The following ADNP variants were observed in gnomAD, a reference collection of about 807,000 sequenced individuals.
The protein encoded by ADNP is activity-dependent neuroprotector homeobox protein.
In ADNP, 4 loss-of-function variants were observed where a neutral mutation model predicts 84.9. The ratio of observed to expected loss-of-function variants is 0.05; its 90% CI spans 0.02 to 0.11. The LOEUF is 0.11. Ranked by LOEUF, ADNP falls within the 10% of genes least tolerant of loss-of-function variation. ADNP has a pLI of 1.00. For synonymous variants in ADNP, 554 were observed against 468.1 expected (o/e 1.18, Z -2.37); for missense variants, 1,132 against 1,326.0 (o/e 0.85, Z 2.27).
intron 2 of ADNP, among the ~76,000 whole-genome samples, chr20:50,926,765 C>A (rs577740320): frequency 2.0e-5 from 3 of 152,214 alleles, no homozygotes; most frequent in South Asian, 2.1e-4. Context: ...AGTTTTGTTA[C>A]TTATATATGA....
intron 1 of ADNP, among the ~76,000 whole-genome samples, chr20:50,929,445 CAACT>C (rs1195287716): frequency 2.6e-5 from 4 of 152,190 alleles, no homozygotes; most frequent in Non-Finnish European, 5.9e-5. Context: ...GTCAGCTCAC[CAACT>C]AAGAGTGCGA....
intron 2 of ADNP, among the ~76,000 whole-genome samples, chr20:50,911,813 C>T (rs190463279): frequency 1.3e-5 from 2 of 152,154 alleles, no homozygotes; most frequent in Admixed American, 1.3e-4. Context: ...GACAACCCAG[C>T]TACCTCTGAA....
At chr20:50,918,605 T>G (rs1218447642) in intron 2 of ADNP, among the ~76,000 whole-genome samples, 1 of 152,374 alleles carries the variant, frequency 6.6e-6, no homozygotes, top group East Asian at 1.9e-4. Flanking sequence ...TGATTCACTC[T>G]GCCTTAACTA....
chr20:50,889,693 T>C lies in ADNP; in HGVS notation c.*1712A>G, dbSNP rs1039308456. The C allele has an allele frequency of 1.8e-5, 7 of 390,358 alleles. No individual in the cohort carries two copies. Among genetic ancestry groups the C allele is most frequent in the Non-Finnish European group, 3.2e-5 (7 of 221,404 alleles). 24.2% of individuals were successfully genotyped at this position (390,358 alleles called of 1,614,324 possible). On this transcript the variant is annotated 3_prime_UTR_variant, in exon 6 of 6. Transcript: ENST00000621696. ...GGTGACTGACCAGCCTCCTCATGGA[T>C]TGGAGTTTCCCATCATTGTTTTAAT...
intron 2 of ADNP, among the ~76,000 whole-genome samples, chr20:50,918,635 G>C (rs1013698395): frequency 1.3e-5 from 2 of 152,184 alleles, no homozygotes; most frequent in Non-Finnish European, 2.9e-5. Flanking sequence ...GTACAGCTGG[G>C]TTACTTCAGT....
chr20:50,891,124 G>A lies in ADNP; in HGVS notation c.*281C>T. The A allele has an allele frequency of 8.3e-7, 1 of 1,207,416 alleles. No individual in the cohort carries two copies. The highest frequency in any genetic ancestry group is 3.3e-5 in the South Asian group (1 of 30,294). The allele number at this position is 1,207,416 out of a possible 1,614,324, so 74.8% of individuals were successfully genotyped here. A position where few individuals can be genotyped will look rare whatever the true frequency, so the allele number is the denominator to read the frequency against. On this transcript the variant is annotated 3_prime_UTR_variant, in exon 6 of 6. Transcript: ENST00000621696. Reference sequence around the variant, plus strand: ...CACAGAGGGAAAGAAATGTTGAAAAGGCAGATAAAATAAACCTCTGCTTTT... The same window carrying A: ...CACAGAGGGAAAGAAATGTTGAAAAAGCAGATAAAATAAACCTCTGCTTTT...
At chr20:50,906,700 A>C (rs1221042923) in intron 2 of ADNP, among the ~76,000 whole-genome samples, 1 of 152,242 alleles carries the variant, frequency 6.6e-6, no homozygotes, top group Non-Finnish European at 1.5e-5. Flanking sequence ...AAGATGAAGC[A>C]TCTCACTGCC....
In ADNP at chr20:50,894,417, T is replaced by C; in HGVS notation, c.297A>G (p.Glu99=). ...TAAGGAGAATCCTATTTTCAAAGTC[T>C]TCACTATGGACATTGCGGAAATGAC... ...YKSHFRNVHS[E]DFENRILLNC... Residue 99 remains glutamate, a synonymous_variant, in exon 6 of 6, where the codon GAA becomes GAG. Transcript: ENST00000621696. 6.2e-7 allele frequency: 1 copy of C among 1,614,150 alleles called. No individual in the cohort carries two copies.
At chr20:50,910,230 A>G (rs1371077157) in intron 2 of ADNP, among the ~76,000 whole-genome samples, 4 of 152,232 alleles carry the variant, frequency 2.6e-5, no homozygotes, top group African/African-American at 9.6e-5. Flanking sequence ...AAAAAACAAA[A>G]AACACTATAT....
At chr20:50,895,205 T>C (rs1324481640) in intron 5 of ADNP, among the ~76,000 whole-genome samples, 2 of 152,202 alleles carry the variant, frequency 1.3e-5, no homozygotes, top group Non-Finnish European at 2.9e-5. Context: ...GAAAAATGTA[T>C]CATGGTGTGA....
chr20:50,893,325 C>T lies in ADNP; in HGVS notation c.1389G>A (p.Val463=), dbSNP rs1980998114. The T allele has an allele frequency of 6.2e-7, 1 of 1,614,196 alleles. No individual in the cohort carries two copies. The highest frequency in any genetic ancestry group is 1.1e-5 in the South Asian group (1 of 91,078). The change falls in exon 6 of 6, where the codon GTG becomes GTA. Residue 463 remains valine, a synonymous_variant. Coordinates refer to ENST00000621696, the MANE Select transcript of ADNP (RefSeq NM_001282531.3). This position sits in a 1 kb window ranked among gnomAD's most constrained non-coding sequence, Gnocchi z 4.4. ...CAGCTTTATGTTCTTTTTCGAAGTG[C>T]ACACTATAGACATTTTCAGGAAAAA... is the stretch of plus-strand genomic sequence containing the variant. ...NELFPENVYS[V]HFEKEHKAEK...
intron 2 of ADNP, among the ~76,000 whole-genome samples, chr20:50,915,718 G>A (rs1983459255): frequency 2.0e-5 from 3 of 152,142 alleles, no homozygotes; most frequent in Non-Finnish European, 2.9e-5. Flanking sequence ...CAAGACAGAG[G>A]TAAGAAAATA....
Position 50,903,882 on chromosome 20 carries a change from T to C in ADNP, c.108+7A>G. 6.3e-7 allele frequency: 1 copy of C among 1,593,982 alleles called. No individual in the cohort carries two copies. The highest frequency in any genetic ancestry group is 8.6e-7 in the Non-Finnish European group (1 of 1,164,630). ...ATGTTAAAATTTAAAAATGACATGC[T>C]ACTTACTTCTATATGTTCTTTACAG... On this transcript the variant is annotated splice_region_variant and intron_variant, in intron 4 of 5. Transcript: ENST00000621696.
intron 2 of ADNP, among the ~76,000 whole-genome samples, chr20:50,909,977 T>C (rs1349150116): frequency 2.0e-5 from 3 of 152,208 alleles, no homozygotes; most frequent in African/African-American, 7.2e-5. Flanking sequence ...ATGCCAGCCT[T>C]TTCCAATATA....
chr20:50,909,776 A>T (rs1982865480), intron 2 of ADNP: 1 of 152,228 alleles, frequency 6.6e-6, no homozygotes, highest in African/African-American at 2.4e-5. Flanking sequence ...ACTCAGTTTG[A>T]CTAGTTAAGA....
intron 2 of ADNP, chr20:50,913,998 C>T (rs1233047008): frequency 1.3e-6 from 1 of 751,282 alleles, no homozygotes. Flanking sequence ...CTGTAAAAGC[C>T]CTTCTGGGAA....
intron 2 of ADNP, among the ~76,000 whole-genome samples, chr20:50,915,439 C>A (rs1983435255): frequency 6.6e-6 from 1 of 152,180 alleles, no homozygotes; most frequent in African/African-American, 2.4e-5. Context: ...TAATCTTACA[C>A]AGCTTTAAGA....
chr20:50,902,147 G>C (rs761987015), intron 4 of ADNP, 38 bp from the exon 5 acceptor site: 2 of 1,448,164 alleles, frequency 1.4e-6, no homozygotes, highest in Admixed American at 1.7e-5. Context: ...AAACATAGTG[G>C]TATAAACGCT....
chr20:50,905,781 C>T (rs1162029210), intron 2 of ADNP, among the ~76,000 whole-genome samples: 3 of 152,206 alleles, frequency 2.0e-5, no homozygotes, highest in Admixed American at 6.5e-5. Context: ...AAGCCAACTA[C>T]AGACTTAGAA....
Sources: gnomAD v4.1 joint callset for allele counts (sites outside exome capture counted in the v4.1 genomes callset) on GRCh38, gnomAD v4.1.1 for gene constraint, Gnocchi (gnomAD v3.1) non-coding constraint, MANE v1.5 for transcripts, NCBI Gene and HGNC (gene_info 2026-07-23, HGNC 2026-07-21) for gene names.